BIRC2: variants seen among roughly 807,000 people sequenced by gnomAD.
The protein encoded by BIRC2 is baculoviral IAP repeat containing 2.
In BIRC2, 18 loss-of-function variants were observed where a neutral mutation model predicts 60.9. The observed-to-expected ratio is 0.30, with a 90% CI of 0.20 to 0.44. The LOEUF is 0.44. BIRC2 is among the 20% of genes least tolerant of loss of function. The pLI, the probability that BIRC2 is intolerant of heterozygous loss-of-function variation, is 1.00. For synonymous variants in BIRC2, 282 were observed against 247.7 expected (o/e 1.14, Z -1.30); for missense variants, 701 against 728.5 (o/e 0.96, Z 0.43).
Position 102,378,383 on chromosome 11 carries a change from A to T in BIRC2, c.*200A>T, listed in dbSNP as rs1951737899. 6.3e-6 allele frequency: 3 copies of T among 476,066 alleles called. No individual in the cohort carries two copies. The highest frequency in any genetic ancestry group is 1.1e-5 in the Non-Finnish European group (3 of 277,256). 29.5% of individuals were successfully genotyped at this position (476,066 alleles called of 1,614,324 possible). A position where few individuals can be genotyped will look rare whatever the true frequency, so the allele number is the denominator to read the frequency against. The stretch of plus-strand genomic sequence containing the variant: ...TCTTAATCTGTTTATTTACAAGGGA[A>T]GATTTATGTTTGGTGAACTATATTA... On this transcript the variant is annotated 3_prime_UTR_variant, in exon 9 of 9. Coordinates refer to ENST00000227758, the MANE Select transcript of BIRC2 (RefSeq NM_001166.5).
intron 3 of BIRC2, among the ~76,000 whole-genome samples, chr11:102,362,232 T>G (rs1951492321): frequency 6.6e-6 from 1 of 152,208 alleles, no homozygotes; most frequent in Non-Finnish European, 1.5e-5. Flanking sequence ...TTGCATATAA[T>G]ATGGGCATAG....
rs573980417 is a variant in BIRC2 at position 102,354,517 on chromosome 11, C to T, written c.995+3574C>T. ...CAGCCAGGCTCATCCCCCATTCATC[C>T]CTTAGTAGACACTTAAGTTGTTTCC... On this transcript the variant is annotated intron_variant, in intron 3 of 8. Coordinates refer to ENST00000227758, the MANE Select transcript of BIRC2 (RefSeq NM_001166.5). Among the ~76,000 whole-genome samples the T allele has an allele frequency of 6.4e-4, 97 of 152,260 alleles. 1 individual carries two copies. Among genetic ancestry groups the T allele is most frequent in the African/African-American group, 2.3e-3 (94 of 41,554 alleles).
intron 3 of BIRC2, among the ~76,000 whole-genome samples, chr11:102,354,746 A>C (rs187853204): frequency 1.3e-5 from 2 of 152,156 alleles, no homozygotes; most frequent in Admixed American, 1.3e-4. Context: ...ATCTTTGCCA[A>C]CTTTTGTTAT....
intron 3 of BIRC2, among the ~76,000 whole-genome samples, chr11:102,353,592 A>T (rs1951386791): frequency 6.6e-6 from 1 of 152,012 alleles, no homozygotes; most frequent in African/African-American, 2.4e-5. Flanking sequence ...TGCTGGGCTT[A>T]CAGGCATGAG....
intron 3 of BIRC2, among the ~76,000 whole-genome samples, chr11:102,358,433 A>G (rs1291788950): frequency 1.3e-5 from 2 of 152,290 alleles, no homozygotes; most frequent in African/African-American, 4.8e-5. Flanking sequence ...AAACACTTCT[A>G]GTCCCAAGCA....
chr11:102,352,949 A>G (rs775608727), intron 3 of BIRC2, among the ~76,000 whole-genome samples: 1 of 152,330 alleles, frequency 6.6e-6, no homozygotes, highest in Non-Finnish European at 1.5e-5. Context: ...GGATCAGTAC[A>G]TTGTTAAAAG....
chr11:102,369,136 C>T (rs987538903), intron 6 of BIRC2, among the ~76,000 whole-genome samples: 6 of 126,118 alleles, frequency 4.8e-5, no homozygotes, highest in East Asian at 2.0e-4. Flanking sequence ...TCATTTATTC[C>T]TTCAATAAAT....
chr11:102,347,609 T>C (rs1951307500), intron 1 of BIRC2: 1 of 152,282 alleles, frequency 6.6e-6, no homozygotes. Flanking sequence ...TAAAATGACT[T>C]GTTTTCAAGC....
chr11:102,372,566 TGAG>T (rs1280680606), intron 6 of BIRC2, among the ~76,000 whole-genome samples: 1 of 150,538 alleles, frequency 6.6e-6, no homozygotes, highest in Non-Finnish European at 1.5e-5. Flanking sequence ...TTACATTTGC[TGAG>T]GAGAGCTTTA....
intron 3 of BIRC2, among the ~76,000 whole-genome samples, chr11:102,354,623 A>G (rs1951400145): frequency 6.6e-6 from 1 of 152,204 alleles, no homozygotes; most frequent in African/African-American, 2.4e-5. Flanking sequence ...CAGAAGTGGG[A>G]TTGCTAGATC....
At position 102,356,607 on chromosome 11, in the gene BIRC2, G is replaced by T. The variant is rs750202830; in HGVS notation, c.995+5664G>T. 2.6e-5 allele frequency among the ~76,000 whole-genome samples: 4 copies of T among 151,748 alleles called. No homozygotes were observed. The South Asian group carries it at 8.3e-4, about 31-fold the overall frequency. ...CTAAATTGGTGAGAATTTTTATCCT[G>T]AAAGGGTGTTGAATTTTGTCAAATG... On this transcript the variant is annotated intron_variant, in intron 3 of 8. Transcript: ENST00000227758.
rs191453711 is a variant in BIRC2, at chr11:102,363,678, C to T, written c.1085C>T (p.Thr362Ile). Residue 362 changes from threonine (T) to isoleucine (I), a missense_variant, in exon 5 of 9, where the codon ACT becomes ATT. Transcript: ENST00000227758. ...YPHLLEQLLS[T>I]SDTTGEENAD... ...TCTCTTGTTTCATAGCTGTTGTCAACTTCAGATACCACTGGAGAAGAAAAT... is the reference window on the plus strand; with the variant it reads ...TCTCTTGTTTCATAGCTGTTGTCAATTTCAGATACCACTGGAGAAGAAAAT... 1 of 1,612,022 alleles carries T rather than the reference C, an allele frequency of 6.2e-7. No homozygotes were observed. Among genetic ancestry groups the T allele is most frequent in the African/African-American group, 1.3e-5 (1 of 74,994 alleles).
chr11:102,355,160 T>C (rs1022324686), intron 3 of BIRC2, among the ~76,000 whole-genome samples: 1 of 152,154 alleles, frequency 6.6e-6, no homozygotes, highest in Admixed American at 6.5e-5. Context: ...TTTGGTGTCA[T>C]ACCCAAAACA....
At chr11:102,369,509 G>A (rs1951598874) in intron 6 of BIRC2, among the ~76,000 whole-genome samples, 1 of 150,192 alleles carries the variant, frequency 6.7e-6, no homozygotes, top group Non-Finnish European at 1.5e-5. Context: ...ATTTTTTATG[G>A]CTGCATAGTA....
chr11:102,366,266 A>G (rs934762830), intron 5 of BIRC2, among the ~76,000 whole-genome samples: 1 of 151,884 alleles, frequency 6.6e-6, no homozygotes, highest in Non-Finnish European at 1.5e-5. Flanking sequence ...ATCATCTCTG[A>G]TTCCTCTCCT....
At chr11:102,360,156 G>A (rs963341312) in intron 3 of BIRC2, among the ~76,000 whole-genome samples, 3 of 151,784 alleles carry the variant, frequency 2.0e-5, no homozygotes, top group Non-Finnish European at 2.9e-5. Context: ...TAGTAGAGAC[G>A]GGGTTTTGCC....
At chr11:102,356,070 A>T (rs1461749071) in intron 3 of BIRC2, among the ~76,000 whole-genome samples, 1 of 151,764 alleles carries the variant, frequency 6.6e-6, no homozygotes, top group African/African-American at 2.4e-5. Flanking sequence ...TTCCAGTCTG[A>T]TTTGGATGCC....
intron 3 of BIRC2, among the ~76,000 whole-genome samples, chr11:102,352,805 TTA>T (rs1285885754): frequency 6.6e-6 from 1 of 152,230 alleles, no homozygotes; most frequent in Non-Finnish European, 1.5e-5. Context: ...ACATCACAGA[TTA>T]TGTTTTTACC....
intron 2 of BIRC2, 26 bp downstream of exon 2, chr11:102,350,775 T>A: frequency 6.2e-7 from 1 of 1,602,598 alleles, no homozygotes; most frequent in Non-Finnish European, 8.5e-7. Flanking sequence ...CTATACATTT[T>A]ATCATTTTAT....
Sources: allele counts gnomAD v4.1 joint callset (sites outside exome capture counted in the v4.1 genomes callset), GRCh38; gene constraint gnomAD v4.1.1; transcripts MANE v1.5; gene names NCBI Gene and HGNC (gene_info 2026-07-23, HGNC 2026-07-21).